The following FGFRL1 variants were observed in gnomAD, a reference collection of about 807,000 sequenced individuals.
The protein encoded by FGFRL1 is fibroblast growth factor receptor-like 1.
FGFRL1 carries 24 observed loss-of-function variants against 36.8 expected under a neutral mutation model. The ratio of observed to expected loss-of-function variants is 0.65; its 90% CI spans 0.47 to 0.92. FGFRL1 has a LOEUF of 0.92. FGFRL1 is among the 40% of genes least tolerant of loss of function. FGFRL1 has a pLI of 0.00. For synonymous variants in FGFRL1, 422 were observed against 344.1 expected (o/e 1.23, Z -2.50); for missense variants, 785 against 753.4 (o/e 1.04, Z -0.49).
In FGFRL1 at chr4:1,024,611, G is replaced by T; in HGVS notation, c.1019G>T (p.Gly340Val). Residue 340 changes from glycine (G) to valine (V), a missense_variant, in exon 6 of 7, where the codon GGC (glycine) becomes GTC (valine). Transcript: ENST00000510644. Reference sequence around the variant, plus strand: ...GATGCGGGCATGTACATCTGCCTTGGCGCCAACACCATGGGCTACAGCTTC... The same window carrying T: ...GATGCGGGCATGTACATCTGCCTTGTCGCCAACACCATGGGCTACAGCTTC... ...QDDAGMYICL[G>V]ANTMGYSFRS... 6.2e-7 allele frequency: 1 copy of T among 1,611,612 alleles called. No homozygotes were observed. Among genetic ancestry groups the T allele is most frequent in the East Asian group, 2.2e-5 (1 of 44,850 alleles).
In FGFRL1 at chr4:1,026,869, TTAAACA is replaced by T. The variant is rs1288009431; in HGVS notation, c.*1524_*1529del. On this transcript the variant is annotated 3_prime_UTR_variant, in exon 7 of 7. Coordinates refer to ENST00000510644, the MANE Select transcript of FGFRL1 (RefSeq NM_001004356.3). ...AGCCCCGTATATTTAATTTATTTTGTTAAACATGAAAGTGCATCCTTTCCCTCCAGG... is the reference window on the plus strand; with the variant it reads ...AGCCCCGTATATTTAATTTATTTTGTTGAAAGTGCATCCTTTCCCTCCAGG... 2.2e-6 allele frequency: 1 copy of T among 454,062 alleles called. No individual in the cohort carries two copies. Among genetic ancestry groups the T allele is most frequent in the Non-Finnish European group, 4.4e-6 (1 of 225,858 alleles). 28.1% of individuals were successfully genotyped at this position (454,062 alleles called of 1,614,324 possible).
chr4:1,014,969 G>T (rs1048055329), intron 2 of FGFRL1, among the ~76,000 whole-genome samples: 1 of 152,224 alleles, frequency 6.6e-6, no homozygotes, highest in Middle Eastern at 3.2e-3. Flanking sequence ...ATGGGCCTCC[G>T]GGCTCCCTTT....
intron 3 of FGFRL1, 107 bp downstream of exon 3, chr4:1,022,582 C>T (rs1049901692): frequency 2.9e-5 from 40 of 1,387,998 alleles, no homozygotes; most frequent in Non-Finnish European, 3.1e-5. Flanking sequence ...AGCCAGCCCC[C>T]GGCAGAAAGC....
Position 1,023,519 on chromosome 4 carries a change from C to A in FGFRL1, c.353-122C>A. On this transcript the variant is annotated intron_variant, in intron 3 of 6. Transcript: ENST00000510644. The surrounding 1 kb of genome is among the most constrained non-coding windows in gnomAD (Gnocchi z 6.0). ...GGCTGTGGGTGTGTGGCGCAGCCCC[C>A]TGCCTGGGTGTCCAGGGCTGTCCCG... 1.1e-6 allele frequency: 1 copy of A among 900,856 alleles called. No homozygotes were observed. Among genetic ancestry groups the A allele is most frequent in the African/African-American group, 1.7e-5 (1 of 60,298 alleles). 55.8% of individuals were successfully genotyped at this position (900,856 alleles called of 1,614,324 possible).
In FGFRL1 at chr4:1,024,723, C is replaced by T. The variant is rs114143999; in HGVS notation, c.1072+59C>T. 1,030 of 1,506,660 alleles carry T rather than the reference C, an allele frequency of 6.8e-4. 13 individuals carry two copies. In the African/African-American group the frequency reaches 0.011, roughly 16 times the overall value. 93.3% of individuals were successfully genotyped at this position (1,506,660 alleles called of 1,614,324 possible). A position where few individuals can be genotyped will look rare whatever the true frequency, so the allele number is the denominator to read the frequency against. On this transcript the variant is annotated intron_variant, in intron 6 of 6. Transcript: ENST00000510644. ...GGTGCCCGGACCCGCCCCCTGGGCC[C>T]GGCGTCCCACCCACCGGGTGGGGCC...
In FGFRL1 at chr4:1,025,583, GCACACA is replaced by G. The variant is rs4647945; in HGVS notation, c.*238_*243del. 3 of 596,614 alleles carry G rather than the reference GCACACA, an allele frequency of 5.0e-6. No homozygotes were observed. Among genetic ancestry groups the G allele is most frequent in the Non-Finnish European group, 8.8e-6 (3 of 341,152 alleles). The allele number at this position is 596,614 out of a possible 1,614,324, so 37.0% of individuals were successfully genotyped here. A position where few individuals can be genotyped will look rare whatever the true frequency, so the allele number is the denominator to read the frequency against. The stretch of plus-strand genomic sequence containing the variant: ...ACGTGCTCCCTGAAGGCACACGTAC[GCACACA>G]CGCACATGCACAGATATGCCGCCTG... On this transcript the variant is annotated 3_prime_UTR_variant, in exon 7 of 7. Transcript: ENST00000510644.
chr4:1,023,497 T>G lies in FGFRL1; in HGVS notation c.353-144T>G, dbSNP rs1577568999. The G allele has an allele frequency of 2.7e-6, 2 of 751,464 alleles. No homozygotes were observed. The highest frequency in any genetic ancestry group is 4.5e-6 in the Non-Finnish European group (2 of 441,850). 46.5% of individuals were successfully genotyped at this position (751,464 alleles called of 1,614,324 possible). A position where few individuals can be genotyped will look rare whatever the true frequency, so the allele number is the denominator to read the frequency against. On this transcript the variant is annotated intron_variant, in intron 3 of 6. Coordinates refer to ENST00000510644, the MANE Select transcript of FGFRL1 (RefSeq NM_001004356.3). The surrounding 1 kb of genome is among the most constrained non-coding windows in gnomAD (Gnocchi z 6.0). ...CCCAGCTGTCCCTGGGATTCTGGGC[T>G]GTGGGTGTGTGGCGCAGCCCCCTGC...
chr4:1,013,756 T>C (rs555178844), intron 2 of FGFRL1, among the ~76,000 whole-genome samples: 1 of 152,394 alleles, frequency 6.6e-6, no homozygotes, highest in South Asian at 2.1e-4. Flanking sequence ...TGTCCTGCCA[T>C]GTTTCCTGGC....
chr4:1,023,204 A>G lies in FGFRL1; in HGVS notation c.353-437A>G, dbSNP rs1716291423. Among the ~76,000 whole-genome samples the G allele has an allele frequency of 6.6e-6, 1 of 152,024 alleles. No homozygotes were observed. Among genetic ancestry groups the G allele is most frequent in the South Asian group, 2.1e-4 (1 of 4,836 alleles). ...TCCACAGCACGCCCTGCCCCTCGGC[A>G]TTGTGTGGAATGGGAAAACTGGCTG... On this transcript the variant is annotated intron_variant, in intron 3 of 6. Coordinates refer to ENST00000510644, the MANE Select transcript of FGFRL1 (RefSeq NM_001004356.3). The surrounding 1 kb of genome is among the most constrained non-coding windows in gnomAD (Gnocchi z 6.0).
At chr4:1,018,965 G>C (rs1480756276) in intron 2 of FGFRL1, among the ~76,000 whole-genome samples, 1 of 152,174 alleles carries the variant, frequency 6.6e-6, no homozygotes, top group African/African-American at 2.4e-5. Flanking sequence ...CTCTGGCCCA[G>C]CTGCCTCTGC....
chr4:1,025,769 C>T lies in FGFRL1; in HGVS notation c.*422C>T, dbSNP rs11538025. 1,846 of 249,064 alleles carry T rather than the reference C, an allele frequency of 7.4e-3. 14 individuals carry two copies. The highest frequency in any genetic ancestry group is 0.027 in the Admixed American group (520 of 19,056). 15.4% of individuals were successfully genotyped at this position (249,064 alleles called of 1,614,324 possible). A position where few individuals can be genotyped will look rare whatever the true frequency, so the allele number is the denominator to read the frequency against. ...CGGATATGCTGTCTGGACGCACACA[C>T]GTGCAGATATGGTATCCGGACACAC... On this transcript the variant is annotated 3_prime_UTR_variant, in exon 7 of 7. Coordinates refer to ENST00000510644, the MANE Select transcript of FGFRL1 (RefSeq NM_001004356.3).
At position 1,011,899 on chromosome 4, in the gene FGFRL1, G is replaced by T. The variant is rs1715603072; in HGVS notation, c.-72G>T. The stretch of plus-strand genomic sequence containing the variant: ...CCCGGGGCGGCGATGACCGCGGAGC[G>T]CACGCCGCGGGCCCGGCCCTGACCC... On this transcript the variant is annotated 5_prime_UTR_variant, in exon 1 of 7. Transcript: ENST00000510644. The T allele has an allele frequency of 6.9e-6, 1 of 145,230 alleles. No homozygotes were observed. 9.0% of individuals were successfully genotyped at this position (145,230 alleles called of 1,614,324 possible).
chr4:1,019,857 C>G (rs187488573), intron 2 of FGFRL1, among the ~76,000 whole-genome samples: 273 of 152,290 alleles, frequency 1.8e-3, no homozygotes, highest in Non-Finnish European at 2.7e-3. Context: ...TGGGATGGGC[C>G]GGGTGAGCCA....
chr4:1,018,003 G>A (rs1202108927), intron 2 of FGFRL1, among the ~76,000 whole-genome samples: 8 of 152,216 alleles, frequency 5.3e-5, no homozygotes, highest in African/African-American at 1.7e-4. Context: ...TGGCCAGGAC[G>A]GGCCCTTCCA....
In FGFRL1 at chr4:1,024,482, A is replaced by G. The variant is rs372708838; in HGVS notation, c.890A>G (p.Asp297Gly). 11 of 1,612,366 alleles carry G rather than the reference A, an allele frequency of 6.8e-6. No homozygotes were observed. Among genetic ancestry groups the G allele is most frequent in the Admixed American group, 1.7e-5 (1 of 59,984 alleles). ...GAGGGCCGCCACAACTCCACCATCG[A>G]TGTGGGCGGCCAGAAGTTTGTGGTG... is the stretch of plus-strand genomic sequence containing the variant. The part of the protein sequence containing the change: ...GAEGRHNSTI[D>G]VGGQKFVVLP... Residue 297 changes from aspartate (D) to glycine (G), a missense_variant, in exon 6 of 7, where the codon GAT becomes GGT. By Grantham distance (94) the Asp-to-Gly change is moderately conservative. Coordinates refer to ENST00000510644, the MANE Select transcript of FGFRL1 (RefSeq NM_001004356.3).
intron 2 of FGFRL1, among the ~76,000 whole-genome samples, chr4:1,015,690 T>C (rs1417823296): frequency 6.6e-6 from 1 of 152,196 alleles, no homozygotes; most frequent in Non-Finnish European, 1.5e-5. Context: ...GGCTGAGCAG[T>C]GACAGGAAAG....
intron 1 of FGFRL1, chr4:1,012,257 G>A (rs563577326): frequency 1.8e-5 from 9 of 505,354 alleles, no homozygotes; most frequent in South Asian, 1.6e-4. Flanking sequence ...GTTTGGAGAG[G>A]GGGGGCGGCG....
At chr4:1,011,588 G>C (rs1715583215), upstream of FGFRL1, among the ~76,000 whole-genome samples, 1 of 2,618 alleles carries the variant, frequency 3.8e-4, no homozygotes. Flanking sequence ...GTTGTGCCGG[G>C]GGCGGGTCGG....
Position 1,023,581 on chromosome 4 carries a change from G to A in FGFRL1, c.353-60G>A. The A allele has an allele frequency of 6.8e-7, 1 of 1,475,192 alleles. No individual in the cohort carries two copies. Among genetic ancestry groups the A allele is most frequent in the Non-Finnish European group, 9.3e-7 (1 of 1,079,648 alleles). The allele number at this position is 1,475,192 out of a possible 1,614,324, so 91.4% of individuals were successfully genotyped here. On this transcript the variant is annotated intron_variant, in intron 3 of 6. Coordinates refer to ENST00000510644, the MANE Select transcript of FGFRL1 (RefSeq NM_001004356.3). This position sits in a 1 kb window ranked among gnomAD's most constrained non-coding sequence, Gnocchi z 6.0. ...GGGAGCTAGAGGCCACGGGGGAGTT[G>A]GGGGAGCTCCTCAGGGCCCCCCTCA...
Sources: gnomAD v4.1 joint callset for allele counts (sites outside exome capture counted in the v4.1 genomes callset) on GRCh38, gnomAD v4.1.1 for gene constraint, Gnocchi (gnomAD v3.1) non-coding constraint, MANE v1.5 for transcripts, NCBI Gene and HGNC (gene_info 2026-07-23, HGNC 2026-07-21) for gene names.